Variants in PREP observed in about 807,000 individuals in gnomAD.
The protein encoded by PREP is dJ355L5.1 (prolyl endopeptidase).
A neutral mutation model predicts 87.6 loss-of-function variants in PREP; 29 were observed. The ratio of observed to expected loss-of-function variants is 0.33; its 90% CI spans 0.25 to 0.45. The LOEUF (loss-of-function observed/expected upper bound fraction) is 0.45. PREP is among the 20% of genes least tolerant of loss of function. The pLI is 1.00. For synonymous variants in PREP, 337 were observed against 328.6 expected (o/e 1.03, Z -0.28); for missense variants, 695 against 886.5 (o/e 0.78, Z 2.74).
intron 10 of PREP, among the ~76,000 whole-genome samples, chr6:105,303,014 C>T (rs1440049542): frequency 6.6e-6 from 1 of 152,068 alleles, no homozygotes; most frequent in East Asian, 1.9e-4. Context: ...ATCTGAGCAC[C>T]TGTTACCAGA....
rs57341095 is a variant in PREP, at chr6:105,361,441, T to C, written c.717+7462A>G. On this transcript the variant is annotated intron_variant, in intron 6 of 14. Coordinates refer to ENST00000652536, the MANE Select transcript of PREP (RefSeq NM_002726.5). ...GGCCATGAAATTTCTTTAGTATAAT[T>C]TTTTTCTCTTAGAACCTAACCAAAA... 4.4e-3 allele frequency among the ~76,000 whole-genome samples: 666 copies of C among 152,260 alleles called. 12 individuals carry two copies. Among genetic ancestry groups the C allele is most frequent in the African/African-American group, 0.015 (621 of 41,564 alleles).
intron 7 of PREP, among the ~76,000 whole-genome samples, chr6:105,335,461 C>T (rs1771454203): frequency 2.0e-5 from 3 of 152,148 alleles, no homozygotes; most frequent in African/African-American, 7.2e-5. Context: ...AAATAAATTC[C>T]ACCATAGAGT....
At chr6:105,328,702 A>G (rs1343982079) in intron 9 of PREP, 127 bp downstream of exon 9, 1 of 976,180 alleles carries the variant, frequency 1.0e-6, no homozygotes, top group South Asian at 1.6e-5. Context: ...ATTCCCATTA[A>G]GTAATTTTGG....
At chr6:105,353,890 C>G (rs1224383635) in intron 6 of PREP, among the ~76,000 whole-genome samples, 2 of 151,912 alleles carry the variant, frequency 1.3e-5, no homozygotes, top group African/African-American at 2.4e-5. Flanking sequence ...TATTTTTAGT[C>G]CCTTCTACTG....
intron 10 of PREP, among the ~76,000 whole-genome samples, chr6:105,304,726 T>C (rs1770618927): frequency 6.6e-6 from 1 of 151,976 alleles, no homozygotes; most frequent in African/African-American, 2.4e-5. Context: ...TTAAATAATA[T>C]CAGAAAAGGT....
rs547422309 is a variant in PREP at position 105,393,577 on chromosome 6, G to A, written c.120+4276C>T. ...AGAGATATTTTGTAAAGAAACAGAG[G>A]AGCAGCGCTGTCCAGTAGATACATT... On this transcript the variant is annotated intron_variant, in intron 2 of 14. Coordinates refer to ENST00000652536, the MANE Select transcript of PREP (RefSeq NM_002726.5). Among the ~76,000 whole-genome samples, 11 of 152,174 alleles carry A rather than the reference G, an allele frequency of 7.2e-5. No individual in the cohort carries two copies. In the South Asian group the frequency reaches 1.7e-3, roughly 23 times the overall value.
intron 2 of PREP, among the ~76,000 whole-genome samples, chr6:105,391,325 T>C (rs968982874): frequency 3.9e-5 from 6 of 152,078 alleles, no homozygotes; most frequent in African/African-American, 1.4e-4. Context: ...GTGGTTGCAG[T>C]GAGCTGAGAT....
At chr6:105,297,218 CAAGT>C (rs779561987) in intron 10 of PREP, among the ~76,000 whole-genome samples, 1 of 152,224 alleles carries the variant, frequency 6.6e-6, no homozygotes, top group South Asian at 2.1e-4. Context: ...GTTTCACAAG[CAAGT>C]GTCTTCTCTG....
intron 5 of PREP, among the ~76,000 whole-genome samples, chr6:105,371,500 CAAAAAAAAAAAAAA>C (rs528772896): frequency 4.5e-4 from 20 of 44,798 alleles, no homozygotes; most frequent in Non-Finnish European, 7.5e-4. Flanking sequence ...GATTCCATCT[CAAAAAAAAAAAAAA>C]AAAAAAAAAA....
At chr6:105,313,576 T>C (rs1311720939) in intron 10 of PREP, among the ~76,000 whole-genome samples, 1 of 152,208 alleles carries the variant, frequency 6.6e-6, no homozygotes, top group African/African-American at 2.4e-5. Context: ...GCTAATCCTA[T>C]TAATTGTCTA....
rs77406959 is a variant in PREP, at chr6:105,279,907, C to A, written c.1839-1469G>T. Reference sequence around the variant, plus strand: ...AGTTTAAATAGGACTTGTTTCCTTACGTGCAAATTTTCTCTAAGTTAGATA... The same window carrying A: ...AGTTTAAATAGGACTTGTTTCCTTAAGTGCAAATTTTCTCTAAGTTAGATA... On this transcript the variant is annotated intron_variant, in intron 14 of 14. Transcript: ENST00000652536. 6.2e-3 allele frequency among the ~76,000 whole-genome samples: 948 copies of A among 152,300 alleles called. 10 individuals carry two copies. Among genetic ancestry groups the A allele is most frequent in the Middle Eastern group, 0.01 (3 of 294 alleles).
intron 7 of PREP, among the ~76,000 whole-genome samples, chr6:105,339,511 G>A (rs1050727142): frequency 1.3e-5 from 2 of 152,172 alleles, no homozygotes; most frequent in Non-Finnish European, 2.9e-5. Context: ...CGCCAGCAAC[G>A]GAACAAAGCT....
intron 10 of PREP, among the ~76,000 whole-genome samples, chr6:105,304,068 G>A (rs1770602349): frequency 6.6e-6 from 1 of 152,052 alleles, no homozygotes; most frequent in Admixed American, 6.5e-5. Flanking sequence ...CTACATCCAT[G>A]GGATTCACAT....
chr6:105,280,258 C>T (rs370397447), intron 14 of PREP, among the ~76,000 whole-genome samples: 8 of 152,146 alleles, frequency 5.3e-5, no homozygotes, highest in African/African-American at 1.2e-4. Flanking sequence ...GCCGAGATGG[C>T]GCCATTCCAC....
At chr6:105,376,766 G>A (rs1463304255) in intron 3 of PREP, among the ~76,000 whole-genome samples, 6 of 152,146 alleles carry the variant, frequency 3.9e-5, no homozygotes, top group Non-Finnish European at 8.8e-5. Flanking sequence ...TGGACAATAC[G>A]TAAACCGATA....
rs542825318 is a variant in PREP at position 105,346,555 on chromosome 6, G to C, written c.823+6417C>G. Among the ~76,000 whole-genome samples, 5 of 152,346 alleles carry C rather than the reference G, an allele frequency of 3.3e-5. No homozygotes were observed. In the Middle Eastern group the frequency reaches 0.017, roughly 518 times the overall value. On this transcript the variant is annotated intron_variant, in intron 7 of 14. Transcript: ENST00000652536. ...AAAAGGAAAAAGCACAGACAGGTTAGTGAAAGTCTGGGCAAATCCCAGGTA... is the reference window on the plus strand; with the variant it reads ...AAAAGGAAAAAGCACAGACAGGTTACTGAAAGTCTGGGCAAATCCCAGGTA...
intron 6 of PREP, among the ~76,000 whole-genome samples, chr6:105,362,330 G>A (rs891773601): frequency 2.6e-5 from 4 of 152,108 alleles, no homozygotes; most frequent in African/African-American, 4.8e-5. Flanking sequence ...GCTTGGTGGC[G>A]TACGCCTTTA....
At chr6:105,372,540 A>T (rs1171363041) in intron 5 of PREP, among the ~76,000 whole-genome samples, 1 of 152,236 alleles carries the variant, frequency 6.6e-6, no homozygotes, top group Non-Finnish European at 1.5e-5. Flanking sequence ...TTTAGAAGTG[A>T]AGGAGCAAAG....
At chr6:105,326,567 A>G (rs1771165563) in intron 9 of PREP, among the ~76,000 whole-genome samples, 2 of 152,226 alleles carry the variant, frequency 1.3e-5, no homozygotes, top group Non-Finnish European at 2.9e-5. Context: ...GGCTTTACAT[A>G]TAATTGAGTA....
Sources: allele counts gnomAD v4.1 joint callset (sites outside exome capture counted in the v4.1 genomes callset), GRCh38; gene constraint gnomAD v4.1.1; transcripts MANE v1.5; gene names NCBI Gene and HGNC (gene_info 2026-07-23, HGNC 2026-07-21).